The following SH3GL2 variants were observed in gnomAD, a reference collection of about 807,000 sequenced individuals.
SH3GL2 encodes the protein endophilin-A1.
In SH3GL2, 24 loss-of-function variants were observed where a neutral mutation model predicts 46.0. The ratio of observed to expected loss-of-function variants is 0.52; its 90% confidence interval spans 0.38 to 0.73. SH3GL2 has a LOEUF of 0.73. Ranked by LOEUF, SH3GL2 falls within the 30% of genes least tolerant of loss-of-function variation. The pLI, the probability that SH3GL2 is intolerant of heterozygous loss-of-function variation, is 0.00. For synonymous variants in SH3GL2, 196 were observed against 147.1 expected (o/e 1.33, Z -2.40); for missense variants, 413 against 424.2 (o/e 0.97, Z 0.23).
chr9:17,626,415 T>A (rs935689008), intron 1 of SH3GL2, among the ~76,000 whole-genome samples: 3 of 152,212 alleles, frequency 2.0e-5, no homozygotes, highest in Non-Finnish European at 4.4e-5. Context: ...GAGGTGTGGC[T>A]TCATTAAGGT....
chr9:17,738,483 TACAC>T (rs1012442741), intron 1 of SH3GL2, among the ~76,000 whole-genome samples: 1 of 150,000 alleles, frequency 6.7e-6, no homozygotes, highest in African/African-American at 2.4e-5. Flanking sequence ...TACTTATGTA[TACAC>T]ACACACATAT....
intron 3 of SH3GL2, among the ~76,000 whole-genome samples, chr9:17,785,002 C>T (rs1823912991): frequency 6.6e-6 from 1 of 152,180 alleles, no homozygotes; most frequent in South Asian, 2.1e-4. Flanking sequence ...CATAAGCCAC[C>T]ACACTTAGCC....
At chr9:17,634,621 T>C (rs932574432) in intron 1 of SH3GL2, among the ~76,000 whole-genome samples, 7 of 152,242 alleles carry the variant, frequency 4.6e-5, no homozygotes, top group Admixed American at 3.9e-4. Flanking sequence ...TAGGTGTTCT[T>C]TAAGGCTTAA....
chr9:17,704,772 A>G (rs925116826), intron 1 of SH3GL2, among the ~76,000 whole-genome samples: 6 of 152,154 alleles, frequency 3.9e-5, no homozygotes, highest in African/African-American at 1.4e-4. Context: ...TACATCATCT[A>G]AAAAATTAAC....
intron 1 of SH3GL2, among the ~76,000 whole-genome samples, chr9:17,618,278 G>A (rs1819052840): frequency 6.6e-6 from 1 of 152,160 alleles, no homozygotes; most frequent in Non-Finnish European, 1.5e-5. Context: ...AAATACCTCA[G>A]TAAAGAATTA....
At chr9:17,747,717 C>G (rs919665026) in intron 2 of SH3GL2, among the ~76,000 whole-genome samples, 1 of 151,950 alleles carries the variant, frequency 6.6e-6, no homozygotes, top group Non-Finnish European at 1.5e-5. Context: ...CTCTGTTGCC[C>G]AAGCTGGAGT....
intron 1 of SH3GL2, 99 bp downstream of exon 1, chr9:17,579,386 A>C (rs1332782239): frequency 8.8e-6 from 6 of 679,482 alleles, no homozygotes; most frequent in Non-Finnish European, 2.1e-6. Flanking sequence ...GGAGTTCGGC[A>C]CCGAGCCTCG....
rs1554645782 is a variant in SH3GL2, at chr9:17,743,600, A to ACACACACACACACC, written c.46-3465_46-3464insACACACACACACCC. 9.1e-3 allele frequency among the ~76,000 whole-genome samples: 1,335 copies of ACACACACACACACC among 146,198 alleles called. 14 individuals are homozygous for ACACACACACACACC. Among genetic ancestry groups the ACACACACACACACC allele is most frequent in the African/African-American group, 0.028 (1,128 of 39,898 alleles). On this transcript the variant is annotated intron_variant, in intron 1 of 8. Transcript: ENST00000380607. ...CACACACACACACACACACACACAC[A>ACACACACACACACC]CCCCAAATAGTTAAAGCCAATGGAT...
intron 1 of SH3GL2, among the ~76,000 whole-genome samples, chr9:17,629,017 C>A (rs1156326110): frequency 6.7e-6 from 1 of 149,804 alleles, no homozygotes; most frequent in Non-Finnish European, 1.5e-5. Context: ...GTCTGTCAAA[C>A]AGAAGGAAAT....
Position 17,733,354 on chromosome 9 carries a change from A to T in SH3GL2, c.46-13712A>T, listed in dbSNP as rs940217332. Among the ~76,000 whole-genome samples, 5 of 151,800 alleles carry T rather than the reference A, an allele frequency of 3.3e-5. No individual in the cohort carries two copies. The East Asian group carries it at 9.7e-4, about 29-fold the overall frequency. The stretch of plus-strand genomic sequence containing the variant: ...GGTTAGTTACATATGTATACATGTG[A>T]CATGCTGGTGTGCTGCACCCACTAA... On this transcript the variant is annotated intron_variant, in intron 1 of 8. Transcript: ENST00000380607.
In SH3GL2 at chr9:17,669,812, G is replaced by A. The variant is rs139803942; in HGVS notation, c.46-77254G>A. Among the ~76,000 whole-genome samples, 7 of 152,162 alleles carry A rather than the reference G, an allele frequency of 4.6e-5. No individual in the cohort carries two copies. The East Asian group carries it at 5.8e-4, about 13-fold the overall frequency. ...AAGTGGCCTTGTTTTCTGGGGTGACGCTCAGAATTCTTGGTCTCATAGCCA... is the reference window on the plus strand; with the variant it reads ...AAGTGGCCTTGTTTTCTGGGGTGACACTCAGAATTCTTGGTCTCATAGCCA... On this transcript the variant is annotated intron_variant, in intron 1 of 8. Transcript: ENST00000380607.
intron 1 of SH3GL2, among the ~76,000 whole-genome samples, chr9:17,616,652 TTATCAAAAAG>T: frequency 6.6e-6 from 1 of 152,130 alleles, no homozygotes; most frequent in Non-Finnish European, 1.5e-5. Flanking sequence ...TGTTACTGCC[TTATCAAAAAG>T]TATTTTCTCC....
intron 1 of SH3GL2, among the ~76,000 whole-genome samples, chr9:17,745,367 G>C (rs183934074): frequency 4.6e-5 from 7 of 152,292 alleles, no homozygotes; most frequent in African/African-American, 9.6e-5. Context: ...CTTTATTGGT[G>C]AGAGATAGGA....
chr9:17,749,020 A>T (rs146263961), intron 2 of SH3GL2, among the ~76,000 whole-genome samples: 1 of 152,200 alleles, frequency 6.6e-6, no homozygotes. Context: ...AGTTCTTGAG[A>T]TAGACCTCAC....
chr9:17,686,490 G>C (rs920755102), intron 1 of SH3GL2, among the ~76,000 whole-genome samples: 2 of 143,834 alleles, frequency 1.4e-5, no homozygotes, highest in African/African-American at 5.0e-5. Context: ...ACATGCACAC[G>C]TATGTTTATT....
chr9:17,678,411 T>C (rs1452746831), intron 1 of SH3GL2, among the ~76,000 whole-genome samples: 24 of 152,288 alleles, frequency 1.6e-4, no homozygotes, highest in African/African-American at 5.3e-4. Context: ...TTTCATGTGT[T>C]TTTTGGCTGC....
intron 1 of SH3GL2, among the ~76,000 whole-genome samples, chr9:17,604,715 A>G (rs1818732559): frequency 6.6e-6 from 1 of 152,180 alleles, no homozygotes; most frequent in South Asian, 2.1e-4. Context: ...TTTAGTGGGT[A>G]AGAGGATGTC....
At chr9:17,778,039 A>G (rs1454652640) in intron 3 of SH3GL2, among the ~76,000 whole-genome samples, 1 of 152,002 alleles carries the variant, frequency 6.6e-6, no homozygotes, top group Non-Finnish European at 1.5e-5. Flanking sequence ...ATATTTATAC[A>G]TTTCAGTATA....
chr9:17,626,981 T>A (rs531373869), intron 1 of SH3GL2, among the ~76,000 whole-genome samples: 1 of 152,278 alleles, frequency 6.6e-6, no homozygotes, highest in Admixed American at 6.5e-5. Context: ...TAATCTTCTT[T>A]AACCTCCACT....
Sources: allele counts gnomAD v4.1 joint callset (sites outside exome capture counted in the v4.1 genomes callset), GRCh38; gene constraint gnomAD v4.1.1; transcripts MANE v1.5; gene names NCBI Gene and HGNC (gene_info 2026-07-23, HGNC 2026-07-21).